IL1RAPL1: variants seen among roughly 807,000 people sequenced by gnomAD.
The protein encoded by IL1RAPL1 is interleukin-1 receptor accessory protein-like 1.
In IL1RAPL1, 3 loss-of-function variants were observed where a neutral mutation model predicts 48.4. The observed-to-expected ratio is 0.06, with a 90% CI of 0.03 to 0.16. The LOEUF is 0.16. IL1RAPL1 is among the 10% of genes least tolerant of loss of function. The pLI is 1.00. For missense variants in IL1RAPL1, 349 were observed against 530.6 expected (o/e 0.66, Z 3.36); for synonymous variants, 185 against 187.7 (o/e 0.99, Z 0.12).
intron 5 of IL1RAPL1, among the ~76,000 whole-genome samples, chrX:29,643,171 C>T (rs929032893): frequency 6.2e-5 from 7 of 112,119 alleles, no homozygotes; most frequent in Middle Eastern, 4.6e-3. Flanking sequence ...TTTTGTTTGA[C>T]GATGTGGCAA....
chrX:28,849,762 C>A (rs1444664391), intron 2 of IL1RAPL1, among the ~76,000 whole-genome samples: 1 of 111,595 alleles, frequency 9.0e-6, no homozygotes, highest in East Asian at 2.8e-4. Flanking sequence ...CATCTTTATC[C>A]CCTTTTTAAA....
At chrX:29,149,973 G>T in intron 2 of IL1RAPL1, among the ~76,000 whole-genome samples, 1 of 111,762 alleles carries the variant, frequency 8.9e-6, no homozygotes, top group East Asian at 2.8e-4. Flanking sequence ...GATTAGATGT[G>T]ACCTATGGCA....
intron 1 of IL1RAPL1, among the ~76,000 whole-genome samples, chrX:28,677,155 A>G (rs1240920205): frequency 8.9e-6 from 1 of 111,755 alleles, no homozygotes; most frequent in Non-Finnish European, 1.9e-5. Flanking sequence ...TCTTCATTAC[A>G]TCAGTTTTTC....
intron 6 of IL1RAPL1, among the ~76,000 whole-genome samples, chrX:29,788,249 G>A (rs1283923412): frequency 2.7e-5 from 3 of 111,762 alleles, no homozygotes; most frequent in Non-Finnish European, 5.7e-5. Flanking sequence ...TTTTAGGGAC[G>A]TGTGCTACGT....
chrX:29,575,211 C>T (rs1922735472), intron 5 of IL1RAPL1, among the ~76,000 whole-genome samples: 1 of 111,619 alleles, frequency 9.0e-6, no homozygotes, highest in African/African-American at 3.3e-5. Flanking sequence ...TCAGGGTTCT[C>T]CAGAGGGACA....
At chrX:29,924,465 T>G (rs937915152) in intron 8 of IL1RAPL1, among the ~76,000 whole-genome samples, 4 of 112,357 alleles carry the variant, frequency 3.6e-5, no homozygotes, top group African/African-American at 1.3e-4. Context: ...CTGGCATTTG[T>G]GCTGGCCAAA....
At chrX:29,455,636 C>T (rs992495810) in intron 5 of IL1RAPL1, among the ~76,000 whole-genome samples, 10 of 110,989 alleles carry the variant, frequency 9.0e-5, no homozygotes, top group Non-Finnish European at 1.5e-4. Context: ...ATACAAAACC[C>T]CCTCCAGAAT....
intron 2 of IL1RAPL1, among the ~76,000 whole-genome samples, chrX:28,878,647 G>T (rs992213147): frequency 9.0e-6 from 1 of 111,654 alleles, no homozygotes; most frequent in Non-Finnish European, 1.9e-5. Context: ...TAAACAAGAG[G>T]GGCATCTGTG....
intron 6 of IL1RAPL1, among the ~76,000 whole-genome samples, chrX:29,859,104 T>G (rs1931529359): frequency 1.8e-5 from 2 of 111,339 alleles, no homozygotes; most frequent in Admixed American, 1.9e-4. Context: ...TGGTCCCCTC[T>G]CTTCTTTTCA....
At chrX:29,640,800 A>C (rs1213653553) in intron 5 of IL1RAPL1, among the ~76,000 whole-genome samples, 1 of 112,139 alleles carries the variant, frequency 8.9e-6, no homozygotes, top group Admixed American at 9.5e-5. Flanking sequence ...TCCTTTTCCC[A>C]ATAGTGTACT....
intron 2 of IL1RAPL1, among the ~76,000 whole-genome samples, chrX:29,262,326 C>T (rs1401278320): frequency 4.5e-5 from 5 of 111,225 alleles, no homozygotes; most frequent in Non-Finnish European, 9.4e-5. Flanking sequence ...TATGAGTATG[C>T]CATTTTTATC....
At chrX:29,129,039 CTTT>C (rs62772160) in intron 2 of IL1RAPL1, among the ~76,000 whole-genome samples, 5 of 62,358 alleles carry the variant, frequency 8.0e-5, no homozygotes, top group South Asian at 8.4e-4. Flanking sequence ...TACCTAGAAT[CTTT>C]TTTTTTTTTT....
At position 29,386,543 on chromosome X, in the gene IL1RAPL1, A is replaced by AT. The variant is rs34017097; in HGVS notation, c.363-9697dup. On this transcript the variant is annotated intron_variant, in intron 3 of 10. Transcript: ENST00000378993. ...ATGTGTTGTATTGACTGAGTGAATG[A>AT]TTTTTTTTTTTTTTTTTTGAGACAG... Among the ~76,000 whole-genome samples, 259 of 86,582 alleles carry AT rather than the reference A, an allele frequency of 3.0e-3. 2 individuals are homozygous for AT. The highest frequency in any genetic ancestry group is 7.5e-3 in the African/African-American group (177 of 23,490). The allele number at this position is 86,582 out of a possible 115,157, so 75.2% of individuals were successfully genotyped here.
intron 6 of IL1RAPL1, among the ~76,000 whole-genome samples, chrX:29,782,888 ATTTTTTTTTTTTTTTTTTT>A (rs780831874): frequency 3.2e-5 from 1 of 31,069 alleles, no homozygotes; most frequent in African/African-American, 1.3e-4. Flanking sequence ...TGATCGTGAC[ATTTTTTTTTTTTTTTTTTT>A]TTTTTTTTTT....
intron 2 of IL1RAPL1, among the ~76,000 whole-genome samples, chrX:29,194,904 T>C (rs766436030): frequency 9.1e-6 from 1 of 110,405 alleles, no homozygotes; most frequent in African/African-American, 3.3e-5. Flanking sequence ...TTGAAGTGGG[T>C]CTTCCAGTAT....
intron 1 of IL1RAPL1, among the ~76,000 whole-genome samples, chrX:28,738,107 T>C (rs190789790): frequency 1.1e-3 from 125 of 110,847 alleles, no homozygotes; most frequent in African/African-American, 3.8e-3. Context: ...AGCCAGAAAA[T>C]CACTATTATA....
intron 2 of IL1RAPL1, among the ~76,000 whole-genome samples, chrX:29,089,062 C>T (rs779597623): frequency 8.1e-4 from 90 of 111,170 alleles, no homozygotes; most frequent in Non-Finnish European, 1.4e-3. Context: ...TGCACTTGTA[C>T]TTTATTAATG....
At chrX:29,064,727 G>A (rs1452983350) in intron 2 of IL1RAPL1, among the ~76,000 whole-genome samples, 7 of 110,260 alleles carry the variant, frequency 6.3e-5, no homozygotes, top group African/African-American at 2.3e-4. Context: ...GACTACAGGC[G>A]CCCGCCACCA....
chrX:28,830,437 G>A (rs1412195347), intron 2 of IL1RAPL1, among the ~76,000 whole-genome samples: 2 of 111,316 alleles, frequency 1.8e-5, no homozygotes, highest in Non-Finnish European at 3.8e-5. Flanking sequence ...TGTATCTCTG[G>A]AGAATTTTTT....
Sources: allele counts gnomAD v4.1 joint callset (sites outside exome capture counted in the v4.1 genomes callset), GRCh38; gene constraint gnomAD v4.1.1; transcripts MANE v1.5; gene names NCBI Gene and HGNC (gene_info 2026-07-23, HGNC 2026-07-21).